Variants in CCAR1 observed in about 807,000 individuals in gnomAD.
The protein encoded by CCAR1 is cell division cycle and apoptosis regulator 1.
In CCAR1, 78 loss-of-function variants were observed where a neutral mutation model predicts 163.8. The observed-to-expected ratio is 0.48, with a 90% CI of 0.40 to 0.57. The LOEUF (loss-of-function observed/expected upper bound fraction) is 0.57, where lower values mean the gene tolerates loss of function less well. Ranked by LOEUF, CCAR1 falls within the 20% of genes least tolerant of loss-of-function variation. The pLI is 0.00. For missense variants in CCAR1, 1,019 were observed against 1,365.2 expected (o/e 0.75, Z 4.00); for synonymous variants, 443 against 460.7 (o/e 0.96, Z 0.49).
chr10:68,729,703 A>G (rs202051314), intron 2 of CCAR1, among the ~76,000 whole-genome samples: 1 of 11,934 alleles, frequency 8.4e-5, no homozygotes, highest in Non-Finnish European at 2.1e-4. Flanking sequence ...ACTCCGTCTT[A>G]AAAAAAAAAA....
At chr10:68,758,503 AGTGTGTGTGTGTGTGTGTGTGT>A (rs71028777) in intron 15 of CCAR1, among the ~76,000 whole-genome samples, 3 of 124,610 alleles carry the variant, frequency 2.4e-5, no homozygotes, top group African/African-American at 6.0e-5. Flanking sequence ...CATCCTGGGC[AGTGTGTGTGTGTGTGTGTGTGT>A]GTGTGTGTGT....
chr10:68,756,655 T>A lies in CCAR1; in HGVS notation c.1836+172T>A. ...GTTGTATGTTCTTTTCTCTTAAAATTTCTGTCTTATTATCCTAACTTTAAG... is the reference window on the plus strand; with the variant it reads ...GTTGTATGTTCTTTTCTCTTAAAATATCTGTCTTATTATCCTAACTTTAAG... On this transcript the variant is annotated intron_variant, in intron 14 of 24. Transcript: ENST00000265872. This position sits in a 1 kb window ranked among gnomAD's most constrained non-coding sequence, Gnocchi z 5.1. The A allele has an allele frequency of 2.9e-6, 2 of 699,788 alleles. No individual in the cohort carries two copies. Among genetic ancestry groups the A allele is most frequent in the Non-Finnish European group, 5.2e-6 (2 of 387,130 alleles). 43.3% of individuals were successfully genotyped at this position (699,788 alleles called of 1,614,324 possible).
At position 68,771,446 on chromosome 10, in the gene CCAR1, G is replaced by T; in HGVS notation, c.2538+1G>T. ...AAAAGAAGATAGAGATGAAAGGAAG[G>T]TCTGTAATAACAACCTGCTTTAGAA... On this transcript the variant is annotated splice_donor_variant, in intron 18 of 24. Transcript: ENST00000265872. LOFTEE classifies it high-confidence loss of function. The T allele has an allele frequency of 1.3e-6, 2 of 1,545,612 alleles. No individual in the cohort carries two copies. The highest frequency in any genetic ancestry group is 8.8e-7 in the Non-Finnish European group (1 of 1,138,094).
At chr10:68,762,791 C>T (rs574463470) in intron 16 of CCAR1, among the ~76,000 whole-genome samples, 4 of 151,448 alleles carry the variant, frequency 2.6e-5, no homozygotes, top group South Asian at 4.2e-4. Flanking sequence ...GAAAAATTCT[C>T]GAAGCTTTCC....
At chr10:68,764,652 CT>C (rs2056515243) in intron 16 of CCAR1, among the ~76,000 whole-genome samples, 1 of 152,104 alleles carries the variant, frequency 6.6e-6, no homozygotes, top group Non-Finnish European at 1.5e-5. Context: ...CCTGATTCTC[CT>C]TTCCCACGGC....
In CCAR1 at chr10:68,749,675, T is replaced by C; in HGVS notation, c.1108T>C (p.Ser370Pro). The change falls in exon 10 of 25, where the codon TCT becomes CCT. Residue 370 changes from serine (S) to proline (P), a missense_variant. This residue lies in a region of CCAR1 where 644 missense variants were observed against 904.4 expected (regional missense o/e 0.71). Transcript: ENST00000265872. ...PRYTVQFSKF[S>P]LDCPSCDMME... is the part of the protein sequence containing the mutation. ...TTACACAGTTCAGTTTTCAAAGTTT[T>C]CTTTAGATTGGTAGGTTATTCCCCA... The C allele has an allele frequency of 6.2e-7, 1 of 1,605,524 alleles. No homozygotes were observed.
intron 19 of CCAR1, among the ~76,000 whole-genome samples, chr10:68,776,341 A>G (rs2056667256): frequency 6.6e-6 from 1 of 151,178 alleles, no homozygotes; most frequent in Non-Finnish European, 1.5e-5. Context: ...AGGTGGGTGG[A>G]TCACCTGAGG....
At chr10:68,733,164 C>G (rs955096637) in intron 2 of CCAR1, among the ~76,000 whole-genome samples, 4 of 152,116 alleles carry the variant, frequency 2.6e-5, no homozygotes, top group African/African-American at 7.2e-5. Context: ...AATCCCAGCA[C>G]TTTGGGAGGC....
At chr10:68,783,495 C>G (rs898661538) in intron 19 of CCAR1, among the ~76,000 whole-genome samples, 2 of 151,958 alleles carry the variant, frequency 1.3e-5, no homozygotes, top group Non-Finnish European at 2.9e-5. Context: ...TTCTGAAGTT[C>G]TAGGATCTGG....
chr10:68,742,237 C>T, intron 5 of CCAR1, 139 bp from the exon 6 acceptor site: 1 of 580,936 alleles, frequency 1.7e-6, no homozygotes, highest in Non-Finnish European at 2.9e-6. Context: ...AATTTTAGAC[C>T]TGACTCTCAA....
chr10:68,725,431 G>A (rs959167952), intron 2 of CCAR1, among the ~76,000 whole-genome samples: 2 of 151,686 alleles, frequency 1.3e-5, no homozygotes, highest in African/African-American at 4.8e-5. Flanking sequence ...TCAACAAAAC[G>A]TCATTTTCAA....
intron 2 of CCAR1, among the ~76,000 whole-genome samples, chr10:68,731,161 TG>T (rs1268660470): frequency 6.6e-6 from 1 of 152,210 alleles, no homozygotes; most frequent in South Asian, 2.1e-4. Flanking sequence ...TATGTATAAT[TG>T]GAAAAGATCT....
chr10:68,758,502 C>CAG (rs2056423143), intron 15 of CCAR1, among the ~76,000 whole-genome samples: 1 of 101,204 alleles, frequency 9.9e-6, no homozygotes, highest in Non-Finnish European at 2.0e-5. Context: ...CCATCCTGGG[C>CAG]AGTGTGTGTG....
chr10:68,775,537 G>T (rs1281117453), intron 19 of CCAR1, among the ~76,000 whole-genome samples: 1 of 145,652 alleles, frequency 6.9e-6, no homozygotes, highest in African/African-American at 2.5e-5. Flanking sequence ...TTGAGACAGA[G>T]TGTGGCTCTG....
intron 4 of CCAR1, among the ~76,000 whole-genome samples, chr10:68,738,791 A>T (rs560622420): frequency 1.3e-5 from 2 of 152,050 alleles, no homozygotes; most frequent in Admixed American, 1.3e-4. Context: ...TCACGCCTGT[A>T]ATCCAAGCAC....
intron 20 of CCAR1, 118 bp downstream of exon 20, chr10:68,786,336 G>A: frequency 1.2e-6 from 1 of 828,294 alleles, no homozygotes; most frequent in South Asian, 1.8e-5. Context: ...GTAAAATTCT[G>A]TCAGTTGTTT....
intron 18 of CCAR1, among the ~76,000 whole-genome samples, chr10:68,772,463 A>G (rs1176584914): frequency 6.6e-6 from 1 of 152,054 alleles, no homozygotes; most frequent in East Asian, 1.9e-4. Flanking sequence ...AGCCTGAGCA[A>G]CAAAGTGAGA....
chr10:68,736,745 A>G (rs971896411), intron 2 of CCAR1, 131 bp from the exon 3 acceptor site: 1 of 677,218 alleles, frequency 1.5e-6, no homozygotes, highest in Non-Finnish European at 2.4e-6. Context: ...GGTTGATTCC[A>G]TATCTTGACT....
intron 2 of CCAR1, among the ~76,000 whole-genome samples, chr10:68,729,405 G>A (rs1019854386): frequency 2.0e-5 from 3 of 151,732 alleles, no homozygotes; most frequent in African/African-American, 7.3e-5. Context: ...GAGTAGCTGG[G>A]ACTACAGGCG....
Sources: gnomAD v4.1 joint callset for allele counts (sites outside exome capture counted in the v4.1 genomes callset) on GRCh38, gnomAD v4.1.1 for gene constraint, gnomAD v4.1.1 regional missense constraint, Gnocchi (gnomAD v3.1) non-coding constraint, MANE v1.5 for transcripts, NCBI Gene and HGNC (gene_info 2026-07-23, HGNC 2026-07-21) for gene names.